CDH13: variants seen among roughly 807,000 people sequenced by gnomAD.
CDH13 encodes cadherin-13.
In CDH13, 24 loss-of-function variants were observed where a neutral mutation model predicts 63.8. The observed-to-expected ratio is 0.38, with a 90% CI of 0.27 to 0.53. The LOEUF is 0.53. CDH13 is among the 20% of genes least tolerant of loss of function. CDH13 has a pLI of 0.85. For missense variants in CDH13, 1,049 were observed against 903.1 expected, an observed-to-expected ratio of 1.16 and a Z score of -2.07; for synonymous variants, 503 against 355.3, an observed-to-expected ratio of 1.42 and a Z score of -4.67.
intron 4 of CDH13, among the ~76,000 whole-genome samples, chr16:83,198,087 A>G (rs1283534990): frequency 6.6e-6 from 1 of 152,200 alleles, no homozygotes; most frequent in African/African-American, 2.4e-5. Flanking sequence ...TTAACTATCC[A>G]GTAGGACATT....
At chr16:83,382,448 C>T (rs1597880266) in intron 6 of CDH13, among the ~76,000 whole-genome samples, 1 of 152,114 alleles carries the variant, frequency 6.6e-6, no homozygotes, top group Non-Finnish European at 1.5e-5. Flanking sequence ...TGCTGATCCC[C>T]AGCTATTCAC....
chr16:83,551,106 GCTT>G (rs2150670643), intron 7 of CDH13, among the ~76,000 whole-genome samples: 1 of 122,994 alleles, frequency 8.1e-6, no homozygotes, highest in East Asian at 2.5e-4. Context: ...CTTTGAGACA[GCTT>G]CTCACTCCAT....
chr16:83,370,182 T>C (rs1410242841), intron 6 of CDH13, among the ~76,000 whole-genome samples: 1 of 152,150 alleles, frequency 6.6e-6, no homozygotes, highest in Non-Finnish European at 1.5e-5. Context: ...AGTCAGGAGA[T>C]TGAGACCATC....
At chr16:83,207,058 A>C (rs1057260705) in intron 4 of CDH13, among the ~76,000 whole-genome samples, 1 of 152,262 alleles carries the variant, frequency 6.6e-6, no homozygotes, top group Non-Finnish European at 1.5e-5. Flanking sequence ...ATACTAGAAA[A>C]GATAGATAAA....
intron 1 of CDH13, among the ~76,000 whole-genome samples, chr16:82,776,341 C>T (rs1444987094): frequency 6.6e-6 from 1 of 152,080 alleles, no homozygotes; most frequent in African/African-American, 2.4e-5. Context: ...CTATCTATGC[C>T]ATATGCTTTT....
chr16:83,686,225 C>T (rs1017882356), intron 10 of CDH13, among the ~76,000 whole-genome samples: 1 of 152,336 alleles, frequency 6.6e-6, no homozygotes, highest in South Asian at 2.1e-4. Context: ...CTTAGTGTAA[C>T]TTCACCAAGC....
At chr16:83,588,962 G>C (rs1447382405) in intron 7 of CDH13, among the ~76,000 whole-genome samples, 1 of 152,134 alleles carries the variant, frequency 6.6e-6, no homozygotes, top group East Asian at 1.9e-4. Context: ...CTCGTTTCCT[G>C]TGGCTTCCAT....
At chr16:83,492,907 A>G (rs1374783533) in intron 7 of CDH13, among the ~76,000 whole-genome samples, 1 of 152,210 alleles carries the variant, frequency 6.6e-6, no homozygotes, top group Non-Finnish European at 1.5e-5. Flanking sequence ...CTATCAATCC[A>G]TTAAAGCTAA....
At position 83,562,055 on chromosome 16, in the gene CDH13, A is replaced by G. The variant is rs545083876; in HGVS notation, c.961-40399A>G. Among the ~76,000 whole-genome samples, 8 of 152,326 alleles carry G rather than the reference A, an allele frequency of 5.3e-5. No homozygotes were observed. In the East Asian group the frequency reaches 1.5e-3, roughly 29 times the overall value. On this transcript the variant is annotated intron_variant, in intron 7 of 13. Coordinates refer to ENST00000567109, the MANE Select transcript of CDH13 (RefSeq NM_001257.5). ...CCAGAGAATGTGGTCAGGACCTTGG[A>G]GAGCTCATGGTGATGTCCAAGTGTC...
rs183126572 is a variant in CDH13, at chr16:83,527,564, C to T, written c.960+40909C>T. ...ACATCTACCCACAGCATTATAGAAA[C>T]GGCCCAGGGCAACTACATCCGTTTG... is the stretch of plus-strand genomic sequence containing the variant. On this transcript the variant is annotated intron_variant, in intron 7 of 13. Coordinates refer to ENST00000567109, the MANE Select transcript of CDH13 (RefSeq NM_001257.5). Among the ~76,000 whole-genome samples the T allele has an allele frequency of 4.6e-5, 7 of 152,276 alleles. No individual in the cohort carries two copies. In the East Asian group the frequency reaches 5.8e-4, roughly 13 times the overall value.
chr16:83,385,265 A>G (rs1270945356), intron 6 of CDH13, among the ~76,000 whole-genome samples: 1 of 152,242 alleles, frequency 6.6e-6, no homozygotes, highest in African/African-American at 2.4e-5. Flanking sequence ...GGCAAGTAAG[A>G]TCTTCATGTT....
chr16:83,070,112 C>A, intron 3 of CDH13, among the ~76,000 whole-genome samples: 1 of 152,132 alleles, frequency 6.6e-6, no homozygotes, highest in East Asian at 1.9e-4. Context: ...CTGAAATCCT[C>A]TTGCTTCTTG....
intron 2 of CDH13, among the ~76,000 whole-genome samples, chr16:82,947,382 T>C (rs1303850030): frequency 6.6e-6 from 1 of 152,186 alleles, no homozygotes; most frequent in Non-Finnish European, 1.5e-5. Context: ...AAAAATATTA[T>C]AGTTGCAAAC....
intron 13 of CDH13, among the ~76,000 whole-genome samples, chr16:83,788,217 C>G (rs959286094): frequency 6.6e-6 from 1 of 152,084 alleles, no homozygotes; most frequent in African/African-American, 2.4e-5. Context: ...AAAGGCACTG[C>G]AGGACCCTGC....
intron 7 of CDH13, among the ~76,000 whole-genome samples, chr16:83,536,742 G>A (rs1346641527): frequency 6.6e-6 from 1 of 152,212 alleles, no homozygotes; most frequent in African/African-American, 2.4e-5. Context: ...TACCATATTG[G>A]TTCAAACAAG....
chr16:83,689,109 C>T (rs1904595449), intron 10 of CDH13, among the ~76,000 whole-genome samples: 1 of 152,126 alleles, frequency 6.6e-6, no homozygotes, highest in African/African-American at 2.4e-5. Flanking sequence ...ATAAATTTGC[C>T]ATAGGCCAGA....
chr16:82,670,588 TG>T (rs1913125240), intron 1 of CDH13, among the ~76,000 whole-genome samples: 1 of 152,132 alleles, frequency 6.6e-6, no homozygotes, highest in African/African-American at 2.4e-5. Flanking sequence ...GAAGGACAGA[TG>T]GGGCTATAAT....
At chr16:82,815,042 G>A (rs1426169124) in intron 1 of CDH13, among the ~76,000 whole-genome samples, 1 of 151,992 alleles carries the variant, frequency 6.6e-6, no homozygotes, top group Admixed American at 6.6e-5. Context: ...TTGGCCCAGA[G>A]AGCTTATTTA....
At chr16:83,249,594 C>G (rs1905287566) in intron 5 of CDH13, among the ~76,000 whole-genome samples, 1 of 152,172 alleles carries the variant, frequency 6.6e-6, no homozygotes, top group South Asian at 2.1e-4. Context: ...AATGGGCACT[C>G]AGAGAGGTAA....
Sources: allele counts gnomAD v4.1 joint callset (sites outside exome capture counted in the v4.1 genomes callset), GRCh38; gene constraint gnomAD v4.1.1; transcripts MANE v1.5; gene names NCBI Gene and HGNC (gene_info 2026-07-23, HGNC 2026-07-21).